The following NBAS variants were observed in gnomAD, a reference collection of about 807,000 sequenced individuals.
NBAS encodes the protein NBAS subunit of NRZ tethering complex, also known as NAG/BC035112 fusion.
A neutral mutation model predicts 302.5 loss-of-function variants in NBAS; 219 were observed. That is an observed-to-expected ratio of 0.72 (90% confidence interval 0.65 to 0.81). The LOEUF (loss-of-function observed/expected upper bound fraction) is 0.81, where lower values mean the gene tolerates loss of function less well. Among genes scored for constraint, NBAS ranks in the 30% least tolerant of loss-of-function variants. NBAS has a pLI of 0.00. For synonymous variants in NBAS, 1,118 were observed against 1,021.6 expected (o/e 1.09, Z -1.80); for missense variants, 2,932 against 2,841.6 (o/e 1.03, Z -0.72).
At chr2:15,016,936 A>G in the NBAS span, among the ~76,000 whole-genome samples, 1 of 152,220 alleles carries the variant, frequency 6.6e-6, no homozygotes, top group Non-Finnish European at 1.5e-5. Context: ...TAATCACATC[A>G]TGTAAAATGG....
At chr2:15,078,616 C>T in the NBAS span, among the ~76,000 whole-genome samples, 1 of 152,116 alleles carries the variant, frequency 6.6e-6, no homozygotes, top group Non-Finnish European at 1.5e-5. Flanking sequence ...GGAAAAGGAC[C>T]CTATCTCTGA....
At chr2:15,477,726 ATC>A (rs541183048) in intron 13 of NBAS, among the ~76,000 whole-genome samples, 6 of 152,228 alleles carry the variant, frequency 3.9e-5, no homozygotes, top group Non-Finnish European at 5.9e-5. Flanking sequence ...ATTTTATAAT[ATC>A]TCTGTTTCAA....
intron 44 of NBAS, among the ~76,000 whole-genome samples, chr2:15,247,712 A>ACC (rs1482041115): frequency 9.1e-5 from 10 of 110,396 alleles, no homozygotes; most frequent in East Asian, 5.2e-4. Context: ...CTCTATATAT[A>ACC]TCTATATATA....
At chr2:15,130,476 G>A in the NBAS span, among the ~76,000 whole-genome samples, 1 of 152,224 alleles carries the variant, frequency 6.6e-6, no homozygotes, top group South Asian at 2.1e-4. Context: ...CAGCACTGCA[G>A]AGCCCTACAC....
In NBAS at chr2:15,451,915, C is replaced by T. The variant is rs932762083; in HGVS notation, c.2339+9286G>A. On this transcript the variant is annotated intron_variant, in intron 21 of 51. Transcript: ENST00000281513. ...TTGCAGCATAAACAGAAACATGACC[C>T]ACAAGTAGAAACCACTCTAAAGCTT... Among the ~76,000 whole-genome samples, 6 of 151,928 alleles carry T rather than the reference C, an allele frequency of 3.9e-5. 1 individual carries two copies. In the Middle Eastern group the frequency reaches 0.017, roughly 431 times the overall value.
chr2:15,391,879 T>TAA (rs200344843), intron 28 of NBAS, among the ~76,000 whole-genome samples: 35 of 126,734 alleles, frequency 2.8e-4, no homozygotes, highest in Admixed American at 6.3e-4. Context: ...CGTAGCATAC[T>TAA]AAAAAAAAAA....
the NBAS span, among the ~76,000 whole-genome samples, chr2:15,150,104 G>A: frequency 6.6e-6 from 1 of 151,516 alleles, no homozygotes; most frequent in East Asian, 1.9e-4. Context: ...AACTAATTGG[G>A]CTTATTTAAG....
chr2:15,188,038 G>T (rs1429175152), intron 49 of NBAS, among the ~76,000 whole-genome samples: 1 of 152,134 alleles, frequency 6.6e-6, no homozygotes, highest in East Asian at 1.9e-4. Context: ...GCTCTCCTGG[G>T]TTTTTCTCTA....
At chr2:14,978,211 C>A in the NBAS span, among the ~76,000 whole-genome samples, 4 of 152,104 alleles carry the variant, frequency 2.6e-5, no homozygotes, top group African/African-American at 4.8e-5. Flanking sequence ...CTGGTTCTTC[C>A]AAGACAGCGT....
the NBAS span, among the ~76,000 whole-genome samples, chr2:14,820,077 G>C: frequency 1.3e-5 from 2 of 152,200 alleles, no homozygotes; most frequent in South Asian, 2.1e-4. Flanking sequence ...ATGTGAATTA[G>C]TACAACCACT....
chr2:14,900,741 C>T, the NBAS span, among the ~76,000 whole-genome samples: 55 of 152,246 alleles, frequency 3.6e-4, 4 homozygotes, highest in East Asian at 0.011. Flanking sequence ...AATTTTTCAG[C>T]AGTCGCACAA....
the NBAS span, among the ~76,000 whole-genome samples, chr2:14,937,311 T>C: frequency 1.3e-5 from 2 of 152,244 alleles, no homozygotes; most frequent in African/African-American, 2.4e-5. Flanking sequence ...TACTGTGCAC[T>C]GGTTACCAAT....
chr2:15,063,294 G>A, the NBAS span, among the ~76,000 whole-genome samples: 1,617 of 151,986 alleles, frequency 0.011, 33 homozygotes, highest in African/African-American at 0.037. Flanking sequence ...CTAGAAATGT[G>A]TGTGCATCTT....
At chr2:14,861,602 C>G in the NBAS span, among the ~76,000 whole-genome samples, 1 of 152,194 alleles carries the variant, frequency 6.6e-6, no homozygotes, top group Admixed American at 6.5e-5. Flanking sequence ...AACAAGTACT[C>G]CTTTGAGAAA....
At chr2:15,287,050 G>T (rs1307183933) in intron 42 of NBAS, 23 bp downstream of exon 42, 2 of 1,524,708 alleles carry the variant, frequency 1.3e-6, no homozygotes, top group African/African-American at 1.4e-5. Flanking sequence ...GGAAACAAAC[G>T]TACATATGAA....
chr2:14,847,750 A>G, the NBAS span, among the ~76,000 whole-genome samples: 8 of 152,202 alleles, frequency 5.3e-5, no homozygotes, highest in African/African-American at 1.9e-4. Flanking sequence ...ACGAAGAAAC[A>G]TCTGACTTAA....
the NBAS span, among the ~76,000 whole-genome samples, chr2:14,907,221 G>A: frequency 1.1e-4 from 17 of 152,194 alleles, no homozygotes; most frequent in Non-Finnish European, 2.4e-4. Context: ...GCAGTCCCCA[G>A]CTGTCACCCT....
chr2:14,906,540 C>T, the NBAS span, among the ~76,000 whole-genome samples: 2 of 152,132 alleles, frequency 1.3e-5, no homozygotes, highest in African/African-American at 4.8e-5. Flanking sequence ...CACCTTTACT[C>T]GCTATTGTTC....
At chr2:15,412,218 C>A (rs1372648756) in intron 25 of NBAS, among the ~76,000 whole-genome samples, 3 of 152,064 alleles carry the variant, frequency 2.0e-5, no homozygotes, top group Non-Finnish European at 2.9e-5. Context: ...TCTTCCCTGC[C>A]CCATTAACAT....
Sources: allele counts gnomAD v4.1 joint callset (sites outside exome capture counted in the v4.1 genomes callset), GRCh38; gene constraint gnomAD v4.1.1; transcripts MANE v1.5; gene names NCBI Gene and HGNC (gene_info 2026-07-23, HGNC 2026-07-21).